ERAP1: variants seen among roughly 807,000 people sequenced by gnomAD.
The protein encoded by ERAP1 is endoplasmic reticulum aminopeptidase 1, also known as adipocyte-derived leucine aminopeptidase.
In ERAP1, 86 loss-of-function variants were observed where a neutral mutation model predicts 103.7. The ratio of observed to expected loss-of-function variants is 0.83; its 90% CI spans 0.70 to 0.99. The LOEUF is 0.99. ERAP1 is among the 50% of genes least tolerant of loss of function. The probability of loss-of-function intolerance (pLI) is 0.00; values close to 1 mark genes in which losing one functional copy is unlikely to be tolerated. For missense variants in ERAP1, 1,009 were observed against 1,128.4 expected (o/e 0.89, Z 1.52); for synonymous variants, 398 against 402.4 (o/e 0.99, Z 0.13).
the ERAP1 span, chr5:96,912,612 T>G: frequency 2.2e-5 from 35 of 1,569,482 alleles, no homozygotes; most frequent in Non-Finnish European, 2.9e-5. Flanking sequence ...AAACTTTTTC[T>G]TCATTTTTAT....
the ERAP1 span, among the ~76,000 whole-genome samples, chr5:96,920,782 A>G: frequency 7.9e-3 from 1,206 of 152,340 alleles, 7 homozygotes; most frequent in Non-Finnish European, 0.013. Context: ...GCTTCCTGGT[A>G]TCTTAATCTC....
chr5:96,785,704 T>A, intron 13 of ERAP1, 84 bp downstream of exon 13: 3 of 1,429,354 alleles, frequency 2.1e-6, no homozygotes, highest in Non-Finnish European at 2.9e-6. Flanking sequence ...TATCAATCAA[T>A]CATTTTTGTC....
At chr5:96,818,426 CTTT>C in the ERAP1 span, among the ~76,000 whole-genome samples, 94,398 of 147,928 alleles carry the variant, frequency 0.64, 30,574 homozygotes, top group Non-Finnish European at 0.72. Context: ...AGGGAAGCCT[CTTT>C]TTTTTTTTTT....
chr5:96,809,640 T>A (rs1779034607), upstream of ERAP1, among the ~76,000 whole-genome samples: 1 of 152,186 alleles, frequency 6.6e-6, no homozygotes. Flanking sequence ...CCAGGGAAGT[T>A]TTTTTCACTA....
At chr5:96,783,852 C>T in intron 14 of ERAP1, 72 bp downstream of exon 14, 4 of 373,050 alleles carry the variant, frequency 1.1e-5, no homozygotes, top group East Asian at 1.1e-4. Context: ...CACACACACA[C>T]ACATACACAC....
chr5:96,876,685 G>T, the ERAP1 span, among the ~76,000 whole-genome samples: 1 of 152,166 alleles, frequency 6.6e-6, no homozygotes, highest in Non-Finnish European at 1.5e-5. Context: ...GTATTAGAAA[G>T]TGTATGCAGT....
In ERAP1 at chr5:96,775,404, T is replaced by TGTAAA. The variant is rs938380843; in HGVS notation, c.*987_*991dup. ...TGCCAATAACTAGTTAGTTAGAAAT[T>TGTAAA]GTAAAGTAGGCCAAATAAGAAGCAG... On this transcript the variant is annotated 3_prime_UTR_variant, in exon 19 of 19. Coordinates refer to ENST00000443439, the MANE Select transcript of ERAP1 (RefSeq NM_001040458.3). 18 of 985,306 alleles carry TGTAAA rather than the reference T, an allele frequency of 1.8e-5. No individual in the cohort carries two copies. The highest frequency in any genetic ancestry group is 3.5e-5 in the African/African-American group (2 of 57,204). 61.0% of individuals were successfully genotyped at this position (985,306 alleles called of 1,614,324 possible).
intron 18 of ERAP1, among the ~76,000 whole-genome samples, chr5:96,777,548 T>C (rs936376943): frequency 2.0e-5 from 3 of 151,904 alleles, no homozygotes; most frequent in Non-Finnish European, 4.4e-5. Flanking sequence ...AGTGCAACTT[T>C]ACAATGAGCA....
chr5:96,914,457 A>G, the ERAP1 span, among the ~76,000 whole-genome samples: 1 of 152,200 alleles, frequency 6.6e-6, no homozygotes, highest in Non-Finnish European at 1.5e-5. Flanking sequence ...AACTGCTTTA[A>G]TATGTATGTT....
At chr5:96,798,536 A>G (rs961490876) in intron 3 of ERAP1, among the ~76,000 whole-genome samples, 2 of 151,520 alleles carry the variant, frequency 1.3e-5, no homozygotes, top group African/African-American at 2.4e-5. Flanking sequence ...GGTCACGGGC[A>G]TTTTTCCTGT....
chr5:96,916,269 GC>G, the ERAP1 span, among the ~76,000 whole-genome samples: 1 of 150,984 alleles, frequency 6.6e-6, no homozygotes, highest in South Asian at 2.1e-4. Flanking sequence ...GCAAAAAAAA[GC>G]CCCTGACTCT....
At chr5:96,859,952 C>T in the ERAP1 span, among the ~76,000 whole-genome samples, 2 of 152,156 alleles carry the variant, frequency 1.3e-5, no homozygotes, top group Admixed American at 1.3e-4. Flanking sequence ...CTTCCCTGAG[C>T]TTGGGCTGGG....
chr5:96,763,971 A>G (rs1013910533), intron 19 of ERAP1, among the ~76,000 whole-genome samples: 6 of 152,050 alleles, frequency 3.9e-5, no homozygotes, highest in Non-Finnish European at 8.8e-5. Context: ...CTCAAAAAAA[A>G]AAAGCCTGCT....
chr5:96,804,195 ACCTGTCAGGGTT>A (rs1173574476), intron 1 of ERAP1, among the ~76,000 whole-genome samples: 1 of 152,190 alleles, frequency 6.6e-6, no homozygotes, highest in African/African-American at 2.4e-5. Context: ...AATTAACTCT[ACCTGTCAGGGTT>A]CTTGGTTGAA....
At chr5:96,912,188 C>CAAAAAA in the ERAP1 span, among the ~76,000 whole-genome samples, 9 of 84,030 alleles carry the variant, frequency 1.1e-4, no homozygotes, top group South Asian at 3.6e-4. Context: ...GACTCCACCT[C>CAAAAAA]AAAAAAAAAA....
chr5:96,884,618 C>T, the ERAP1 span, among the ~76,000 whole-genome samples: 20 of 152,204 alleles, frequency 1.3e-4, no homozygotes, highest in African/African-American at 4.6e-4. Context: ...AGTGCAATGG[C>T]GTGATCTCGG....
the ERAP1 span, among the ~76,000 whole-genome samples, chr5:96,898,892 C>T: frequency 3.0e-4 from 45 of 152,330 alleles, no homozygotes; most frequent in Middle Eastern, 3.4e-3. Context: ...TGTCTCTCAT[C>T]CCTCTCCATT....
the ERAP1 span, among the ~76,000 whole-genome samples, chr5:96,893,439 T>C: frequency 2.5e-4 from 38 of 152,330 alleles, no homozygotes; most frequent in African/African-American, 8.9e-4. Flanking sequence ...ACACTGTGCT[T>C]CGAGAACACA....
downstream of ERAP1, chr5:96,774,336 G>T (rs548725233): frequency 1.4e-4 from 31 of 218,928 alleles, no homozygotes; most frequent in African/African-American, 4.2e-4. Context: ...TATTTAAAAA[G>T]AACTCTGAAT....
Sources: gnomAD v4.1 joint callset for allele counts (sites outside exome capture counted in the v4.1 genomes callset) on GRCh38, gnomAD v4.1.1 for gene constraint, MANE v1.5 for transcripts, NCBI Gene and HGNC (gene_info 2026-07-23, HGNC 2026-07-21) for gene names.